FAM222B: variants seen among roughly 807,000 people sequenced by gnomAD.
FAM222B encodes the protein family with sequence similarity 222 member B, also known as protein FAM222B.
A neutral mutation model predicts 38.0 loss-of-function variants in FAM222B; 12 were observed. The observed-to-expected ratio is 0.32, with a 90% CI of 0.20 to 0.51. The LOEUF is 0.51. Ranked by LOEUF, FAM222B falls within the 20% of genes least tolerant of loss-of-function variation. The pLI, the probability that FAM222B is intolerant of heterozygous loss-of-function variation, is 0.97. For synonymous variants in FAM222B, 329 were observed against 317.2 expected (o/e 1.04, Z -0.40); for missense variants, 716 against 754.2 (o/e 0.95, Z 0.59).
intron 2 of FAM222B, among the ~76,000 whole-genome samples, chr17:28,761,785 G>A (rs892056949): frequency 6.6e-6 from 1 of 152,140 alleles, no homozygotes; most frequent in African/African-American, 2.4e-5. Flanking sequence ...TGGCAAAAAA[G>A]TCTGGGATCA....
chr17:28,785,802 G>A (rs544080985), intron 1 of FAM222B, among the ~76,000 whole-genome samples: 3 of 152,074 alleles, frequency 2.0e-5, no homozygotes, highest in African/African-American at 7.2e-5. Flanking sequence ...CCATCTCCCA[G>A]GTTCAAACGA....
At chr17:28,805,488 T>G (rs932287442) in intron 1 of FAM222B, among the ~76,000 whole-genome samples, 4 of 151,676 alleles carry the variant, frequency 2.6e-5, no homozygotes, top group Non-Finnish European at 4.4e-5. Context: ...TGAGCCGAGA[T>G]CATGCCACTG....
chr17:28,764,526 A>T (rs2035238902), intron 2 of FAM222B, among the ~76,000 whole-genome samples: 1 of 152,088 alleles, frequency 6.6e-6, no homozygotes, highest in African/African-American at 2.4e-5. Flanking sequence ...AGGCAGGCGG[A>T]TCACCTGAAG....
intron 1 of FAM222B, among the ~76,000 whole-genome samples, chr17:28,839,264 T>C (rs1186892606): frequency 6.6e-6 from 1 of 152,162 alleles, no homozygotes; most frequent in Non-Finnish European, 1.5e-5. Context: ...GCCCCTGGTA[T>C]GTCAGAGATT....
chr17:28,787,159 C>T (rs545123476), intron 1 of FAM222B, among the ~76,000 whole-genome samples: 5 of 152,076 alleles, frequency 3.3e-5, no homozygotes, highest in African/African-American at 1.2e-4. Flanking sequence ...CTCCTGACCT[C>T]GTGATCCACC....
At chr17:28,766,331 G>C (rs1324145512) in intron 2 of FAM222B, among the ~76,000 whole-genome samples, 1 of 152,108 alleles carries the variant, frequency 6.6e-6, no homozygotes, top group African/African-American at 2.4e-5. Context: ...GTGGGCACCT[G>C]TAATCCCAGC....
chr17:28,815,460 C>T (rs978043774), intron 1 of FAM222B, among the ~76,000 whole-genome samples: 4 of 151,826 alleles, frequency 2.6e-5, no homozygotes, highest in Admixed American at 2.0e-4. Context: ...GTAATCCGCC[C>T]GACTCGGCTT....
chr17:28,765,924 A>G lies in FAM222B; in HGVS notation c.82+662T>C, dbSNP rs117640841. 3.3e-3 allele frequency among the ~76,000 whole-genome samples: 506 copies of G among 152,326 alleles called. 3 individuals are homozygous for G. Among genetic ancestry groups the G allele is most frequent in the East Asian group, 0.01 (54 of 5,190 alleles). On this transcript the variant is annotated intron_variant, in intron 2 of 2. Transcript: ENST00000581407. Reference sequence around the variant, plus strand: ...AAAGGGAACTGTCTGTTTCCATGGTAGACTACTAAGAGAGTTCAAAACAAG... The same window carrying G: ...AAAGGGAACTGTCTGTTTCCATGGTGGACTACTAAGAGAGTTCAAAACAAG...
At chr17:28,799,092 A>G (rs527428882) in intron 1 of FAM222B, among the ~76,000 whole-genome samples, 14 of 151,272 alleles carry the variant, frequency 9.3e-5, no homozygotes, top group Admixed American at 9.2e-4. Context: ...CTCCTGCCTC[A>G]GCCTCCCAAG....
chr17:28,785,992 C>T (rs2036394365), intron 1 of FAM222B, among the ~76,000 whole-genome samples: 1 of 152,092 alleles, frequency 6.6e-6, no homozygotes, highest in Non-Finnish European at 1.5e-5. Context: ...AGGCACCACA[C>T]CCAGCTAATT....
At chr17:28,801,135 C>A (rs571324893) in intron 1 of FAM222B, among the ~76,000 whole-genome samples, 7 of 145,872 alleles carry the variant, frequency 4.8e-5, no homozygotes, top group African/African-American at 1.8e-4. Context: ...CCAGCTTGGA[C>A]GACAGAGCGA....
intron 1 of FAM222B, among the ~76,000 whole-genome samples, chr17:28,778,050 A>C (rs112442261): frequency 4.8e-4 from 64 of 133,176 alleles, no homozygotes; most frequent in African/African-American, 1.8e-3. Flanking sequence ...CTACTTCTGC[A>C]CTGTATTGAA....
At position 28,771,004 on chromosome 17, in the gene FAM222B, A is replaced by T. The variant is rs551538700; in HGVS notation, c.-40-4297T>A. 1.3e-4 allele frequency among the ~76,000 whole-genome samples: 20 copies of T among 149,788 alleles called. 1 individual carries two copies. Among genetic ancestry groups the T allele is most frequent in the Middle Eastern group, 3.5e-3 (1 of 286 alleles). On this transcript the variant is annotated intron_variant, in intron 1 of 2. Transcript: ENST00000581407. Reference sequence around the variant, plus strand: ...TATATATATGTGTGTGTATATATATATATTTTTTCTTTTTTTTTTTTTAAA... The same window carrying T: ...TATATATATGTGTGTGTATATATATTTATTTTTTCTTTTTTTTTTTTTAAA...
At chr17:28,828,047 A>T (rs80124773) in intron 1 of FAM222B, among the ~76,000 whole-genome samples, 8 of 151,716 alleles carry the variant, frequency 5.3e-5, no homozygotes, top group Non-Finnish European at 7.4e-5. Context: ...ACCTGGGACC[A>T]ACCAGATATG....
chr17:28,854,553 T>C (rs186282020), intron 1 of FAM222B, among the ~76,000 whole-genome samples: 9 of 152,304 alleles, frequency 5.9e-5, no homozygotes, highest in Non-Finnish European at 1.3e-4. Context: ...GGGCCACCGC[T>C]GACCTCTAGG....
At chr17:28,779,609 G>A (rs2036071908) in intron 1 of FAM222B, among the ~76,000 whole-genome samples, 1 of 151,960 alleles carries the variant, frequency 6.6e-6, no homozygotes, top group Non-Finnish European at 1.5e-5. Context: ...AAATTAGCCG[G>A]GTGTGGTGGC....
At chr17:28,829,974 C>T (rs895870768) in intron 1 of FAM222B, among the ~76,000 whole-genome samples, 1 of 151,666 alleles carries the variant, frequency 6.6e-6, no homozygotes, top group Non-Finnish European at 1.5e-5. Flanking sequence ...CTCAGCCTCC[C>T]GAGTAGCCGG....
intron 1 of FAM222B, among the ~76,000 whole-genome samples, chr17:28,827,385 G>T (rs891311171): frequency 2.0e-5 from 3 of 151,534 alleles, no homozygotes; most frequent in Non-Finnish European, 2.9e-5. Context: ...AAGTGAAAAA[G>T]GAATAACCCC....
intron 2 of FAM222B, among the ~76,000 whole-genome samples, chr17:28,763,835 C>T (rs1298800725): frequency 1.3e-5 from 2 of 152,176 alleles, no homozygotes; most frequent in African/African-American, 4.8e-5. Flanking sequence ...CAAATGTTAG[C>T]TATTATTTCT....
Sources: gnomAD v4.1 joint callset for allele counts (sites outside exome capture counted in the v4.1 genomes callset) on GRCh38, gnomAD v4.1.1 for gene constraint, MANE v1.5 for transcripts, NCBI Gene and HGNC (gene_info 2026-07-23, HGNC 2026-07-21) for gene names.